The following PRKCH variants were observed in gnomAD, a reference collection of about 807,000 sequenced individuals.
PRKCH encodes the protein protein kinase C eta type.
In PRKCH, 28 loss-of-function variants were observed where a neutral mutation model predicts 82.5. The observed-to-expected ratio is 0.34, with a 90% CI of 0.25 to 0.47. The LOEUF (loss-of-function observed/expected upper bound fraction) is 0.47. PRKCH is among the 20% of genes least tolerant of loss of function. The probability of loss-of-function intolerance (pLI) is 1.00; values close to 1 mark genes in which losing one functional copy is unlikely to be tolerated. For synonymous variants in PRKCH, 322 were observed against 327.4 expected, an observed-to-expected ratio of 0.98 and a Z score of 0.18; for missense variants, 705 against 881.8, an observed-to-expected ratio of 0.80 and a Z score of 2.54.
intron 2 of PRKCH, among the ~76,000 whole-genome samples, chr14:61,434,109 C>T (rs1420017663): frequency 1.3e-5 from 2 of 152,126 alleles, no homozygotes; most frequent in Non-Finnish European, 2.9e-5. Context: ...AGGACAGAGG[C>T]TCATGAATGA....
At chr14:61,473,730 C>T (rs1885605735) in intron 9 of PRKCH, among the ~76,000 whole-genome samples, 1 of 152,200 alleles carries the variant, frequency 6.6e-6, no homozygotes, top group African/African-American at 2.4e-5. Context: ...CAGTGGCTCA[C>T]ACCTGTAATC....
Position 61,466,581 on chromosome 14 carries a change from A to G in PRKCH, c.1278+8902A>G, listed in dbSNP as rs12147749. On this transcript the variant is annotated intron_variant, in intron 9 of 13. Coordinates refer to ENST00000332981, the MANE Select transcript of PRKCH (RefSeq NM_006255.5). ...TATTGGTCTGAGGCTTTGTTCGGAG[A>G]CCCAGTTTATGGAAGCAAAGGTTTC... 0.02 allele frequency among the ~76,000 whole-genome samples: 2,994 copies of G among 152,140 alleles called. 208 individuals are homozygous for G. In the East Asian group the frequency reaches 0.26, roughly 13 times the overall value.
At chr14:61,316,700 T>C (rs2045564304), upstream of PRKCH, among the ~76,000 whole-genome samples, 1 of 152,230 alleles carries the variant, frequency 6.6e-6, no homozygotes, top group African/African-American at 2.4e-5. Flanking sequence ...GACCTTGTAC[T>C]GTGTGCTGCT....
intron 1 of PRKCH, chr14:61,281,477 C>G (rs180689581): frequency 2.4e-5 from 5 of 205,604 alleles, no homozygotes; most frequent in Non-Finnish European, 4.3e-5. Flanking sequence ...TCTCGCGTTT[C>G]CTCTCAGTCC....
intron 1 of PRKCH, among the ~76,000 whole-genome samples, chr14:61,384,295 A>G (rs1400408019): frequency 6.6e-6 from 1 of 152,176 alleles, no homozygotes; most frequent in Non-Finnish European, 1.5e-5. Flanking sequence ...GGCCCCTTAG[A>G]GAGAATCTGG....
chr14:61,479,180 C>A (rs1252073481), intron 9 of PRKCH, among the ~76,000 whole-genome samples: 4 of 152,232 alleles, frequency 2.6e-5, no homozygotes, highest in African/African-American at 9.6e-5. Context: ...TCCATCCACC[C>A]ACCCAGTCTT....
chr14:61,288,839 G>A (rs1488441284), intron 1 of PRKCH, among the ~76,000 whole-genome samples: 2 of 152,108 alleles, frequency 1.3e-5, no homozygotes, highest in Non-Finnish European at 2.9e-5. Context: ...TGCAAGGAAC[G>A]GAAACTTATT....
intron 1 of PRKCH, among the ~76,000 whole-genome samples, chr14:61,329,234 CTTT>C (rs71117812): frequency 1.3e-4 from 8 of 63,462 alleles, no homozygotes; most frequent in African/African-American, 2.7e-4. Context: ...ACTCCTGAGT[CTTT>C]TTTTTTTTTT....
intron 1 of PRKCH, among the ~76,000 whole-genome samples, chr14:61,339,254 C>T (rs902689439): frequency 3.3e-5 from 5 of 151,942 alleles, no homozygotes; most frequent in African/African-American, 1.2e-4. Context: ...TCTGTGTTCT[C>T]CCTGGGCCAG....
intron 1 of PRKCH, among the ~76,000 whole-genome samples, chr14:61,379,570 A>G (rs1336983924): frequency 3.9e-5 from 6 of 152,246 alleles, no homozygotes; most frequent in Admixed American, 2.0e-4. Flanking sequence ...TCAACAATGT[A>G]GAATTATTCT....
intron 1 of PRKCH, among the ~76,000 whole-genome samples, chr14:61,302,837 CGTT>C (rs1471302999): frequency 1.3e-5 from 2 of 152,030 alleles, no homozygotes; most frequent in Non-Finnish European, 2.9e-5. Flanking sequence ...ACTTGAAAAT[CGTT>C]GTTTATTCTG....
At chr14:61,197,248 G>A (rs2044447842) in intron 1 of PRKCH, among the ~76,000 whole-genome samples, 1 of 152,166 alleles carries the variant, frequency 6.6e-6, no homozygotes, top group Admixed American at 6.5e-5. Flanking sequence ...ATTTTGCCAT[G>A]GGAATGTAAT....
At chr14:61,281,135 C>T in intron 1 of PRKCH, 1 of 1,380,694 alleles carries the variant, frequency 7.2e-7, no homozygotes, top group Non-Finnish European at 9.3e-7. Context: ...CGGGCCGTGG[C>T]GCTCCAGGTC....
chr14:61,438,462 G>A (rs1332008804), intron 2 of PRKCH, among the ~76,000 whole-genome samples: 1 of 152,076 alleles, frequency 6.6e-6, no homozygotes. Flanking sequence ...TAAAAATGAG[G>A]AGCTGTGATC....
intron 1 of PRKCH, among the ~76,000 whole-genome samples, chr14:61,307,877 C>T (rs1462061799): frequency 2.6e-5 from 4 of 152,192 alleles, no homozygotes; most frequent in East Asian, 1.9e-4. Context: ...CGCTCTGTCA[C>T]GCAGGCTGGA....
chr14:61,464,179 C>T (rs1885153167), intron 9 of PRKCH, among the ~76,000 whole-genome samples: 1 of 152,176 alleles, frequency 6.6e-6, no homozygotes, highest in Admixed American at 6.5e-5. Flanking sequence ...TTTACATTCC[C>T]ACCAACAGTG....
At chr14:61,433,152 T>G (rs1883503545) in intron 2 of PRKCH, among the ~76,000 whole-genome samples, 1 of 152,136 alleles carries the variant, frequency 6.6e-6, no homozygotes, top group African/African-American at 2.4e-5. Flanking sequence ...CAAATTAGTC[T>G]GTTTACAGTG....
chr14:61,272,511 G>A (rs922577396), intron 1 of PRKCH, among the ~76,000 whole-genome samples: 3 of 151,456 alleles, frequency 2.0e-5, no homozygotes, highest in African/African-American at 7.3e-5. Context: ...ACGCCACCAC[G>A]GCCGGCTAGG....
chr14:61,453,144 T>A, intron 6 of PRKCH, 82 bp from the exon 7 acceptor site: 1 of 1,530,374 alleles, frequency 6.5e-7, no homozygotes, highest in Non-Finnish European at 9.1e-7. Flanking sequence ...TATAATCTTT[T>A]AGGCTATTAA....
Sources: allele counts gnomAD v4.1 joint callset (sites outside exome capture counted in the v4.1 genomes callset), GRCh38; gene constraint gnomAD v4.1.1; transcripts MANE v1.5; gene names NCBI Gene and HGNC (gene_info 2026-07-23, HGNC 2026-07-21).